Variants in TEX9 observed in about 807,000 individuals in gnomAD.
TEX9 encodes the protein testis expressed 9, also known as testis-expressed protein 9.
TEX9 carries 74 observed loss-of-function variants against 59.6 expected under a neutral mutation model. The observed-to-expected ratio is 1.24, with a 90% CI of 1.03 to 1.51. TEX9 has a LOEUF of 1.51. TEX9 is among the 40% of genes most tolerant of loss of function. The pLI, the probability that TEX9 is intolerant of heterozygous loss-of-function variation, is 0.00. For missense variants in TEX9, 522 were observed against 447.8 expected, an observed-to-expected ratio of 1.17 and a Z score of -1.49; for synonymous variants, 186 against 152.2, an observed-to-expected ratio of 1.22 and a Z score of -1.64.
intron 1 of TEX9, among the ~76,000 whole-genome samples, chr15:56,318,367 T>C (rs1381099278): frequency 6.6e-6 from 1 of 152,168 alleles, no homozygotes; most frequent in Admixed American, 6.5e-5. Flanking sequence ...TTTTGTCATC[T>C]TTTTCTTTCA....
At chr15:56,417,960 T>A (rs949984185) in intron 10 of TEX9, among the ~76,000 whole-genome samples, 1 of 151,940 alleles carries the variant, frequency 6.6e-6, no homozygotes, top group Admixed American at 6.5e-5. Flanking sequence ...TTTTGATCTT[T>A]GTTGGTTTGA....
intron 1 of TEX9, among the ~76,000 whole-genome samples, chr15:56,318,846 C>T (rs545963196): frequency 6.6e-6 from 1 of 152,052 alleles, no homozygotes; most frequent in South Asian, 2.1e-4. Context: ...TATTGTCACA[C>T]ATGTCATTAT....
At chr15:56,351,281 A>G (rs1371185728) in intron 1 of TEX9, among the ~76,000 whole-genome samples, 1 of 152,182 alleles carries the variant, frequency 6.6e-6, no homozygotes, top group Non-Finnish European at 1.5e-5. Context: ...ACAAAGACCT[A>G]CCTAATAAAC....
chr15:56,275,273 A>G (rs1188515467), intron 1 of TEX9, among the ~76,000 whole-genome samples: 1 of 152,162 alleles, frequency 6.6e-6, no homozygotes, highest in East Asian at 1.9e-4. Context: ...TCCAAACCCC[A>G]TACCCCAGCT....
At chr15:56,332,675 A>C (rs1596097110) in intron 1 of TEX9, among the ~76,000 whole-genome samples, 3 of 152,212 alleles carry the variant, frequency 2.0e-5, no homozygotes, top group Admixed American at 6.5e-5. Context: ...GTAGAAGAAA[A>C]GAAATAAGAC....
chr15:56,264,390 A>G (rs1286935248), intron 1 of TEX9, among the ~76,000 whole-genome samples: 6 of 152,176 alleles, frequency 3.9e-5, no homozygotes, highest in African/African-American at 1.2e-4. Context: ...TTCATACAGT[A>G]TCTGCTCAAA....
intron 1 of TEX9, chr15:56,249,032 G>A (rs1335465088): frequency 6.6e-6 from 1 of 152,044 alleles, no homozygotes; most frequent in Non-Finnish European, 1.5e-5. Flanking sequence ...GTAAAATATT[G>A]TTCTCATTTT....
At chr15:56,259,183 G>A in intron 1 of TEX9, among the ~76,000 whole-genome samples, 1 of 151,856 alleles carries the variant, frequency 6.6e-6, no homozygotes, top group East Asian at 1.9e-4. Flanking sequence ...CATGTGACCT[G>A]CCATTTGTTT....
At chr15:56,415,786 G>A (rs1216225223) in intron 10 of TEX9, among the ~76,000 whole-genome samples, 1 of 151,858 alleles carries the variant, frequency 6.6e-6, no homozygotes, top group Non-Finnish European at 1.5e-5. Context: ...AATGTCACTG[G>A]TAGTTTGATA....
At chr15:56,460,009 A>AAAAAAAAAAAAAAATATATATATAT in the TEX9 span, among the ~76,000 whole-genome samples, 6 of 26,386 alleles carry the variant, frequency 2.3e-4, 1 homozygote, top group Non-Finnish European at 4.2e-4. Context: ...AAAAAAAAAA[A>AAAAAAAAAAAAAAATATATATATAT]ATACATATAT....
chr15:56,346,399 CA>C (rs1445456422), intron 1 of TEX9, among the ~76,000 whole-genome samples: 1 of 152,122 alleles, frequency 6.6e-6, no homozygotes, highest in Non-Finnish European at 1.5e-5. Context: ...GGCAGGATTG[CA>C]AATGGTGTTT....
At chr15:56,407,897 C>G (rs1224311005) in intron 9 of TEX9, among the ~76,000 whole-genome samples, 2 of 152,126 alleles carry the variant, frequency 1.3e-5, no homozygotes. Flanking sequence ...GAATTAGTAC[C>G]TCTTCTGTCT....
intron 12 of TEX9, chr15:56,443,727 CTA>C (rs1247705297): frequency 2.5e-6 from 4 of 1,613,220 alleles, no homozygotes; most frequent in South Asian, 2.2e-5. Flanking sequence ...TTAGCAAACT[CTA>C]TGATTTTTCT....
At chr15:56,343,058 T>C (rs2046403791) in intron 1 of TEX9, among the ~76,000 whole-genome samples, 1 of 152,104 alleles carries the variant, frequency 6.6e-6, no homozygotes, top group South Asian at 2.1e-4. Context: ...AATGGTAACA[T>C]AGCAGGAGAA....
At chr15:56,276,188 T>A (rs754189434) in intron 1 of TEX9, among the ~76,000 whole-genome samples, 3 of 152,212 alleles carry the variant, frequency 2.0e-5, no homozygotes, top group African/African-American at 7.2e-5. Context: ...TTACTTTAAG[T>A]TCTGGGATAC....
chr15:56,328,038 C>G (rs2046061862), intron 1 of TEX9, among the ~76,000 whole-genome samples: 1 of 151,988 alleles, frequency 6.6e-6, no homozygotes, highest in Non-Finnish European at 1.5e-5. Flanking sequence ...CCACCCCTCC[C>G]CCAACCCCAG....
chr15:56,348,563 A>G (rs771562792), intron 1 of TEX9, among the ~76,000 whole-genome samples: 1 of 152,108 alleles, frequency 6.6e-6, no homozygotes, highest in Non-Finnish European at 1.5e-5. Flanking sequence ...GAGATGTTCC[A>G]TTGTCTGCTC....
chr15:56,337,824 T>C (rs907990260), intron 1 of TEX9, among the ~76,000 whole-genome samples: 3 of 152,238 alleles, frequency 2.0e-5, no homozygotes, highest in Admixed American at 1.3e-4. Context: ...AGACCTTAAC[T>C]TTTAATTTTG....
chr15:56,315,202 G>A (rs2045724805), intron 1 of TEX9, among the ~76,000 whole-genome samples: 3 of 140,882 alleles, frequency 2.1e-5, no homozygotes, highest in Middle Eastern at 7.0e-3. Context: ...TATGATGTTA[G>A]CTGGTTATTT....
Sources: allele counts gnomAD v4.1 joint callset (sites outside exome capture counted in the v4.1 genomes callset), GRCh38; gene constraint gnomAD v4.1.1; transcripts MANE v1.5; gene names NCBI Gene and HGNC (gene_info 2026-07-23, HGNC 2026-07-21).